IQCK: variants seen among roughly 807,000 people sequenced by gnomAD.
IQCK encodes IQ motif containing K, also known as IQ domain-containing protein K.
Under a neutral mutation model 28.1 loss-of-function variants are expected in IQCK, and 29 were observed. The ratio of observed to expected loss-of-function variants is 1.03; its 90% CI spans 0.77 to 1.41. The LOEUF (loss-of-function observed/expected upper bound fraction) is 1.41. IQCK is among the 40% of genes most tolerant of loss of function. IQCK has a pLI of 0.00. For missense variants in IQCK, 359 were observed against 314.7 expected, an observed-to-expected ratio of 1.14 and a Z score of -1.07; for synonymous variants, 113 against 115.1, an observed-to-expected ratio of 0.98 and a Z score of 0.12.
At chr16:19,760,208 C>T (rs548328491) in intron 4 of IQCK, among the ~76,000 whole-genome samples, 72 of 152,172 alleles carry the variant, frequency 4.7e-4, no homozygotes, top group Non-Finnish European at 8.8e-4. Context: ...AAGGATAAAT[C>T]GTGGTTAACT....
intron 3 of IQCK, among the ~76,000 whole-genome samples, chr16:19,734,544 G>T (rs1296700733): frequency 6.6e-6 from 1 of 150,910 alleles, no homozygotes; most frequent in Non-Finnish European, 1.5e-5. Flanking sequence ...CAGGAGAATC[G>T]CTTGCACTCG....
In IQCK at chr16:19,761,989, A is replaced by G. The variant is rs1424240447; in HGVS notation, c.475-1859A>G. 4 of 152,746 alleles carry G rather than the reference A, an allele frequency of 2.6e-5. No homozygotes were observed. In the East Asian group the frequency reaches 7.7e-4, roughly 29 times the overall value. 9.5% of individuals were successfully genotyped at this position (152,746 alleles called of 1,614,324 possible). A position where few individuals can be genotyped will look rare whatever the true frequency, so the allele number is the denominator to read the frequency against. ...CCTCATGGCTAAAAGGGGCTGCTCCACTTCCAGCCCCACATCTGTGTTCCA... is the reference window on the plus strand; with the variant it reads ...CCTCATGGCTAAAAGGGGCTGCTCCGCTTCCAGCCCCACATCTGTGTTCCA... On this transcript the variant is annotated intron_variant, in intron 4 of 7. Transcript: ENST00000564186.
At chr16:19,735,244 A>T (rs1435092195) in intron 3 of IQCK, 109 bp from the exon 4 acceptor site, 7 of 739,424 alleles carry the variant, frequency 9.5e-6, no homozygotes, top group East Asian at 2.6e-5. Flanking sequence ...ATCTAAGATC[A>T]TGTGATTGAA....
At chr16:19,810,406 A>G (rs2055888475) in intron 7 of IQCK, among the ~76,000 whole-genome samples, 1 of 151,804 alleles carries the variant, frequency 6.6e-6, no homozygotes, top group Non-Finnish European at 1.5e-5. Flanking sequence ...CTGAGGCAGG[A>G]GAATGGTGTC....
chr16:19,818,108 G>C (rs533285773), intron 7 of IQCK, among the ~76,000 whole-genome samples: 1 of 152,208 alleles, frequency 6.6e-6, no homozygotes, highest in East Asian at 1.9e-4. Flanking sequence ...CCTGCCCTTC[G>C]CCTCTAGGAG....
intron 6 of IQCK, among the ~76,000 whole-genome samples, chr16:19,780,344 A>G (rs1567554597): frequency 6.6e-6 from 1 of 151,762 alleles, no homozygotes; most frequent in African/African-American, 2.4e-5. Context: ...GCCCAGCCAA[A>G]AATTTATTAT....
rs78579337 is a variant in IQCK at position 19,736,538 on chromosome 16, C to G, written c.474+1088C>G. On this transcript the variant is annotated intron_variant, in intron 4 of 7. Transcript: ENST00000564186. ...CCCACGCGGATACCCTTAGAGGCTCCCTCTTTTCCGTAGTTCACGGGATAC... is the reference window on the plus strand; with the variant it reads ...CCCACGCGGATACCCTTAGAGGCTCGCTCTTTTCCGTAGTTCACGGGATAC... Among the ~76,000 whole-genome samples the G allele has an allele frequency of 8.3e-3, 1,269 of 152,254 alleles. 21 individuals are homozygous for G. Among genetic ancestry groups the G allele is most frequent in the African/African-American group, 0.029 (1,201 of 41,534 alleles).
At chr16:19,781,293 G>C (rs912170974) in intron 6 of IQCK, among the ~76,000 whole-genome samples, 1 of 152,144 alleles carries the variant, frequency 6.6e-6, no homozygotes, top group East Asian at 1.9e-4. Flanking sequence ...CCACATGGGA[G>C]CATGTGGTCT....
intron 4 of IQCK, among the ~76,000 whole-genome samples, chr16:19,742,780 G>GT (rs1386929410): frequency 6.6e-6 from 1 of 152,134 alleles, no homozygotes; most frequent in Non-Finnish European, 1.5e-5. Context: ...TTATTTTTCT[G>GT]TTTTTTCTTT....
intron 9 of IQCK, among the ~76,000 whole-genome samples, chr16:19,844,379 G>A (rs965301406): frequency 1.2e-4 from 19 of 152,066 alleles, no homozygotes; most frequent in African/African-American, 3.6e-4. Flanking sequence ...GTGTCTGGCC[G>A]GCCTTGTTGA....
chr16:19,768,601 C>T (rs1372696099), intron 6 of IQCK, among the ~76,000 whole-genome samples: 1 of 152,082 alleles, frequency 6.6e-6, no homozygotes, highest in East Asian at 1.9e-4. Context: ...CAAAAATTAG[C>T]TGGGCATGGT....
intron 6 of IQCK, among the ~76,000 whole-genome samples, chr16:19,781,272 A>G (rs1175027853): frequency 6.6e-6 from 1 of 152,172 alleles, no homozygotes; most frequent in Non-Finnish European, 1.5e-5. Context: ...AAAAATGGTT[A>G]TATCTGAAAC....
At chr16:19,786,769 T>G in intron 6 of IQCK, among the ~76,000 whole-genome samples, 1 of 111,290 alleles carries the variant, frequency 9.0e-6, no homozygotes, top group African/African-American at 5.2e-5. Flanking sequence ...AAGGAAGAAA[T>G]GGAAGAATCA....
intron 4 of IQCK, among the ~76,000 whole-genome samples, chr16:19,737,759 G>T (rs532946771): frequency 6.6e-6 from 1 of 151,850 alleles, no homozygotes; most frequent in East Asian, 1.9e-4. Flanking sequence ...CCTTCCCGAT[G>T]GTACCCTCCA....
intron 6 of IQCK, among the ~76,000 whole-genome samples, chr16:19,773,834 A>G (rs118074874): frequency 6.6e-5 from 10 of 152,338 alleles, no homozygotes; most frequent in Non-Finnish European, 1.3e-4. Context: ...GGTGGGAAAG[A>G]TGGAAGGAGA....
chr16:19,831,873 A>G (rs1371022224), downstream of IQCK, among the ~76,000 whole-genome samples: 1 of 152,120 alleles, frequency 6.6e-6, no homozygotes, highest in African/African-American at 2.4e-5. Context: ...CCTGTCTCAC[A>G]TTACAGTGAG....
intron 6 of IQCK, among the ~76,000 whole-genome samples, chr16:19,783,577 G>A (rs1348874433): frequency 6.6e-6 from 1 of 152,100 alleles, no homozygotes; most frequent in East Asian, 1.9e-4. Context: ...CCTTAAGCCA[G>A]TTGCACTGAT....
At chr16:19,831,744 C>T (rs375761758), downstream of IQCK, among the ~76,000 whole-genome samples, 30 of 151,846 alleles carry the variant, frequency 2.0e-4, no homozygotes, top group African/African-American at 6.8e-4. Flanking sequence ...ACATTGTGCT[C>T]CGGCATTTAC....
At chr16:19,835,031 G>A (rs566244034) in intron 9 of IQCK, among the ~76,000 whole-genome samples, 29 of 152,148 alleles carry the variant, frequency 1.9e-4, no homozygotes, top group African/African-American at 3.1e-4. Context: ...TTGGGAGGCC[G>A]AGGCAGGCGG....
Sources: allele counts gnomAD v4.1 joint callset (sites outside exome capture counted in the v4.1 genomes callset), GRCh38; gene constraint gnomAD v4.1.1; transcripts MANE v1.5; gene names NCBI Gene and HGNC (gene_info 2026-07-23, HGNC 2026-07-21).